Variants in DCC observed in about 807,000 individuals in gnomAD.
DCC encodes netrin receptor DCC.
A neutral mutation model predicts 172.5 loss-of-function variants in DCC; 58 were observed. The observed-to-expected ratio is 0.34, with a 90% CI of 0.27 to 0.42. The LOEUF (loss-of-function observed/expected upper bound fraction) is 0.42. Among genes scored for constraint, DCC ranks in the 10% least tolerant of loss-of-function variants. The pLI, the probability that DCC is intolerant of heterozygous loss-of-function variation, is 1.00. For synonymous variants in DCC, 709 were observed against 644.5 expected, an observed-to-expected ratio of 1.10 and a Z score of -1.52; for missense variants, 1,740 against 1,791.0, an observed-to-expected ratio of 0.97 and a Z score of 0.51.
intron 2 of DCC, among the ~76,000 whole-genome samples, chr18:52,763,449 T>C (rs1432234877): frequency 6.6e-6 from 1 of 152,204 alleles, no homozygotes; most frequent in Admixed American, 6.5e-5. Context: ...CCACAGTGCA[T>C]TGGGCACTCC....
At chr18:53,204,361 G>A (rs1381995754) in intron 9 of DCC, among the ~76,000 whole-genome samples, 4 of 152,010 alleles carry the variant, frequency 2.6e-5, no homozygotes, top group African/African-American at 9.7e-5. Context: ...CAACAACATA[G>A]TGAGACCCAG....
intron 1 of DCC, among the ~76,000 whole-genome samples, chr18:52,637,665 T>A (rs2034808713): frequency 6.6e-6 from 1 of 152,100 alleles, no homozygotes. Context: ...ACGTCTGGGA[T>A]TACGTGAAAC....
chr18:52,972,693 T>C (rs2145589095), intron 5 of DCC, among the ~76,000 whole-genome samples: 1 of 152,344 alleles, frequency 6.6e-6, no homozygotes, highest in East Asian at 1.9e-4. Flanking sequence ...TCCTCTTCTT[T>C]GCTATGTTAG....
intron 11 of DCC, among the ~76,000 whole-genome samples, chr18:53,213,573 G>A (rs919801630): frequency 4.7e-5 from 7 of 149,336 alleles, no homozygotes; most frequent in Non-Finnish European, 8.9e-5. Flanking sequence ...GTGTGAACCC[G>A]GGAGACGAAG....
intron 1 of DCC, among the ~76,000 whole-genome samples, chr18:52,503,599 C>T (rs114718854): frequency 0.01 from 1,527 of 152,240 alleles, 23 homozygotes; most frequent in African/African-American, 0.034. Context: ...CTCCTTGTTC[C>T]AGTCTGCTGA....
rs1488933538 is a variant in DCC, at chr18:53,456,596, G to A, written c.3393-2636G>A. On this transcript the variant is annotated intron_variant, in intron 23 of 28. Coordinates refer to ENST00000442544, the MANE Select transcript of DCC (RefSeq NM_005215.4). ...TTTTAGACAGATTCACCTGGAGAGT[G>A]TTAAAAGACAGACTGCCCCCTGCAA... 2.6e-5 allele frequency among the ~76,000 whole-genome samples: 4 copies of A among 152,214 alleles called. No individual in the cohort carries two copies. The East Asian group carries it at 7.7e-4, about 29-fold the overall frequency.
chr18:52,973,035 C>G (rs755849480), intron 5 of DCC, among the ~76,000 whole-genome samples: 7 of 152,132 alleles, frequency 4.6e-5, no homozygotes, highest in Admixed American at 4.6e-4. Context: ...ATTCATGTTT[C>G]GACAGACCAC....
At chr18:53,201,522 C>T (rs1419910210) in intron 9 of DCC, among the ~76,000 whole-genome samples, 5 of 152,060 alleles carry the variant, frequency 3.3e-5, no homozygotes, top group Admixed American at 3.3e-4. Flanking sequence ...AGAAATGTCC[C>T]CTCTTGAAAT....
At chr18:52,686,280 G>A (rs546978999) in intron 1 of DCC, among the ~76,000 whole-genome samples, 16 of 152,084 alleles carry the variant, frequency 1.1e-4, no homozygotes, top group Non-Finnish European at 2.2e-4. Context: ...GTGGCTACAC[G>A]TAATAGGGCA....
At chr18:53,199,574 G>A (rs961251155) in intron 9 of DCC, among the ~76,000 whole-genome samples, 4 of 148,640 alleles carry the variant, frequency 2.7e-5, no homozygotes, top group Middle Eastern at 3.5e-3. Context: ...CATAATTAAT[G>A]TAAATAATAT....
At chr18:53,301,343 C>T (rs2057139461) in intron 12 of DCC, among the ~76,000 whole-genome samples, 1 of 152,038 alleles carries the variant, frequency 6.6e-6, no homozygotes, top group Non-Finnish European at 1.5e-5. Context: ...CCTGCCTCGG[C>T]CTCCCAAAGT....
At chr18:52,517,248 A>T (rs183756732) in intron 1 of DCC, among the ~76,000 whole-genome samples, 1 of 152,312 alleles carries the variant, frequency 6.6e-6, no homozygotes, top group Non-Finnish European at 1.5e-5. Context: ...AAGAAGTCCA[A>T]CATTTTCATC....
intron 2 of DCC, among the ~76,000 whole-genome samples, chr18:52,826,949 T>G (rs2038520717): frequency 6.6e-6 from 1 of 152,254 alleles, no homozygotes; most frequent in East Asian, 1.9e-4. Context: ...AGTAACTATT[T>G]ACATAGCATT....
intron 7 of DCC, among the ~76,000 whole-genome samples, chr18:53,145,201 G>A (rs929948922): frequency 7.6e-5 from 10 of 131,488 alleles, no homozygotes; most frequent in Admixed American, 2.8e-4. Context: ...TGCAAGCTCC[G>A]CCTCCCGGTT....
intron 1 of DCC, among the ~76,000 whole-genome samples, chr18:52,632,014 A>T (rs769800559): frequency 1.3e-5 from 2 of 152,000 alleles, no homozygotes; most frequent in African/African-American, 4.8e-5. Flanking sequence ...CCCCTGGAAA[A>T]ATCTCCTTCA....
intron 5 of DCC, among the ~76,000 whole-genome samples, chr18:53,008,588 A>G (rs1324800416): frequency 2.0e-5 from 3 of 152,066 alleles, no homozygotes; most frequent in Non-Finnish European, 1.5e-5. Flanking sequence ...TAAGTGTAAA[A>G]TATCTTAAGC....
chr18:52,816,576 C>T (rs2038301549), intron 2 of DCC: 1 of 152,120 alleles, frequency 6.6e-6, no homozygotes, highest in South Asian at 2.1e-4. Flanking sequence ...TAGAATCTGG[C>T]ATTTACAGCA....
At chr18:52,530,618 C>T (rs2032121483) in intron 1 of DCC, among the ~76,000 whole-genome samples, 1 of 152,118 alleles carries the variant, frequency 6.6e-6, no homozygotes, top group Non-Finnish European at 1.5e-5. Context: ...TCTTCCTACT[C>T]CACTGTACTT....
intron 1 of DCC, among the ~76,000 whole-genome samples, chr18:52,382,493 AT>A (rs1488657543): frequency 3.9e-5 from 6 of 152,174 alleles, no homozygotes; most frequent in Admixed American, 2.0e-4. Context: ...GGTAAAACTT[AT>A]AGGACAGGTT....
Sources: gnomAD v4.1 joint callset for allele counts (sites outside exome capture counted in the v4.1 genomes callset) on GRCh38, gnomAD v4.1.1 for gene constraint, MANE v1.5 for transcripts, NCBI Gene and HGNC (gene_info 2026-07-23, HGNC 2026-07-21) for gene names.